The following MAST4 variants were observed in gnomAD, a reference collection of about 807,000 sequenced individuals.
The protein encoded by MAST4 is microtubule associated serine/threonine kinase family member 4, also known as microtubule-associated serine/threonine-protein kinase 4.
Under a neutral mutation model 162.7 loss-of-function variants are expected in MAST4, and 89 were observed. The observed-to-expected ratio is 0.55, with a 90% CI of 0.46 to 0.65. The LOEUF is 0.65. Ranked by LOEUF, MAST4 falls within the 30% of genes least tolerant of loss-of-function variation. The pLI is 0.00. For synonymous variants in MAST4, 1,479 were observed against 1,361.1 expected, an observed-to-expected ratio of 1.09 and a Z score of -1.91; for missense variants, 3,153 against 3,374.0, an observed-to-expected ratio of 0.93 and a Z score of 1.62.
At chr5:66,609,184 C>G (rs1247476638) in intron 1 of MAST4, among the ~76,000 whole-genome samples, 1 of 151,242 alleles carries the variant, frequency 6.6e-6, no homozygotes, top group African/African-American at 2.4e-5. Context: ...TGTCACAAGT[C>G]TATCACTCCT....
At chr5:67,043,921 G>A (rs1398081196) in intron 4 of MAST4, among the ~76,000 whole-genome samples, 1 of 152,074 alleles carries the variant, frequency 6.6e-6, no homozygotes, top group East Asian at 1.9e-4. Context: ...ATAGGTATTT[G>A]ATCTGACCTT....
chr5:66,859,819 G>A (rs530015324), intron 3 of MAST4, among the ~76,000 whole-genome samples: 7 of 152,192 alleles, frequency 4.6e-5, no homozygotes, highest in Non-Finnish European at 1.0e-4. Flanking sequence ...AGAGTGCCGT[G>A]CTGCCTAAGG....
intron 4 of MAST4, among the ~76,000 whole-genome samples, chr5:66,904,984 C>A (rs1441501764): frequency 1.3e-5 from 2 of 152,058 alleles, no homozygotes; most frequent in African/African-American, 4.8e-5. Context: ...TCTTTATGTC[C>A]ACACACATGC....
intron 4 of MAST4, among the ~76,000 whole-genome samples, chr5:66,948,988 G>GAT (rs200272328): frequency 6.6e-4 from 100 of 151,822 alleles, no homozygotes; most frequent in African/African-American, 1.7e-3. Context: ...CATAAAGTCA[G>GAT]ATATATATAT....
intron 3 of MAST4, among the ~76,000 whole-genome samples, chr5:66,827,806 A>G (rs1024097154): frequency 3.3e-5 from 5 of 152,210 alleles, no homozygotes; most frequent in African/African-American, 7.2e-5. Flanking sequence ...GGATCAAACT[A>G]TTCTCTCAAT....
chr5:66,978,503 T>C (rs1211999742), intron 4 of MAST4, among the ~76,000 whole-genome samples: 1 of 152,210 alleles, frequency 6.6e-6, no homozygotes, highest in African/African-American at 2.4e-5. Flanking sequence ...AACAATTTAG[T>C]TAAGTTAGAC....
At chr5:67,069,252 G>T (rs1312044228) in intron 5 of MAST4, among the ~76,000 whole-genome samples, 4 of 136,372 alleles carry the variant, frequency 2.9e-5, no homozygotes, top group Middle Eastern at 4.5e-3. Context: ...TCTTAACTTG[G>T]CTTTAATTTC....
intron 4 of MAST4, among the ~76,000 whole-genome samples, chr5:67,044,570 A>C (rs979202669): frequency 1.3e-5 from 2 of 152,116 alleles, no homozygotes; most frequent in South Asian, 4.1e-4. Flanking sequence ...GCTGGAATGC[A>C]GTGGAGTGAT....
chr5:66,658,813 G>A (rs1561243323), intron 1 of MAST4, among the ~76,000 whole-genome samples: 1 of 152,068 alleles, frequency 6.6e-6, no homozygotes, highest in Non-Finnish European at 1.5e-5. Context: ...CTTTAGCCCA[G>A]GAGTTCCAGA....
intron 4 of MAST4, among the ~76,000 whole-genome samples, chr5:66,953,895 T>C (rs545487536): frequency 5.9e-5 from 9 of 152,284 alleles, no homozygotes; most frequent in Admixed American, 5.9e-4. Flanking sequence ...AGCAACCCCC[T>C]TATTCCCTGC....
chr5:67,165,364 A>C lies in MAST4; in HGVS notation c.6185A>C (p.His2062Pro). 3 of 1,613,652 alleles carry C rather than the reference A, an allele frequency of 1.9e-6. 1 individual carries two copies. The South Asian group carries it at 3.3e-5, about 18-fold the overall frequency. Residue 2062 changes from histidine (H) to proline (P), a missense_variant, in exon 29 of 29, where the codon CAC becomes CCC. His to Pro is a moderately conservative substitution (Grantham distance 77, BLOSUM62 -2). Around this residue, in one of 7 missense-constraint regions of MAST4, gnomAD observed 1,644 missense variants for 1,495.0 expected, o/e 1.10. Transcript: ENST00000403625. ...RPPPRDNSSL[H>P]SAGIPCEKEL... The stretch of plus-strand genomic sequence containing the variant: ...CCGCCCAGAGACAACTCCTCTCTGC[A>C]CTCAGCTGGAATTCCCTGTGAGAAG...
chr5:66,973,156 C>T (rs1747668290), intron 4 of MAST4, among the ~76,000 whole-genome samples: 1 of 152,142 alleles, frequency 6.6e-6, no homozygotes, highest in Admixed American at 6.6e-5. Context: ...CCCCTAAATA[C>T]TTAAGCATGT....
At chr5:67,017,943 G>A (rs1302144488) in intron 4 of MAST4, among the ~76,000 whole-genome samples, 1 of 152,084 alleles carries the variant, frequency 6.6e-6, no homozygotes, top group Non-Finnish European at 1.5e-5. Flanking sequence ...TGAGCAGTTT[G>A]ATAATGCTAA....
intron 1 of MAST4, among the ~76,000 whole-genome samples, chr5:66,701,886 A>G (rs2149511970): frequency 6.6e-6 from 1 of 152,368 alleles, no homozygotes; most frequent in South Asian, 2.1e-4. Flanking sequence ...TCTACCTAAA[A>G]CATGAACTTT....
intron 3 of MAST4, among the ~76,000 whole-genome samples, chr5:66,836,491 C>T (rs541646044): frequency 2.0e-5 from 3 of 152,128 alleles, no homozygotes; most frequent in South Asian, 2.1e-4. Flanking sequence ...AACACATGCA[C>T]GCATGTGTTC....
chr5:66,658,144 G>T (rs75307375), intron 1 of MAST4, among the ~76,000 whole-genome samples: 1 of 152,180 alleles, frequency 6.6e-6, no homozygotes, highest in Non-Finnish European at 1.5e-5. Flanking sequence ...TATATCCAGC[G>T]TATAAAGAGA....
rs1445507036 is a variant in MAST4 at position 67,168,957 on chromosome 5, A to G, written c.*1906A>G. The G allele has an allele frequency of 2.0e-5, 3 of 152,016 alleles. No individual in the cohort carries two copies. Among genetic ancestry groups the G allele is most frequent in the African/African-American group, 2.4e-5 (1 of 41,430 alleles). The allele number at this position is 152,016 out of a possible 1,614,324, so 9.4% of individuals were successfully genotyped here. On this transcript the variant is annotated 3_prime_UTR_variant, in exon 29 of 29. Coordinates refer to ENST00000403625, the MANE Select transcript of MAST4 (RefSeq NM_001164664.2). ...TCCTTGCCCCTAATTTTTTTTTCCC[A>G]TATGGTTTTAGCCATTCCCCATCAC... is the stretch of plus-strand genomic sequence containing the variant.
intron 1 of MAST4, among the ~76,000 whole-genome samples, chr5:66,735,982 T>C (rs1752128848): frequency 6.6e-6 from 1 of 152,210 alleles, no homozygotes; most frequent in South Asian, 2.1e-4. Context: ...GATAGGGTGA[T>C]ATGGAACATT....
At chr5:66,831,973 A>G (rs906032701) in intron 3 of MAST4, among the ~76,000 whole-genome samples, 5 of 152,162 alleles carry the variant, frequency 3.3e-5, no homozygotes, top group African/African-American at 4.8e-5. Context: ...AGGGAAATTA[A>G]TTGTTTCAGT....
Sources: allele counts gnomAD v4.1 joint callset (sites outside exome capture counted in the v4.1 genomes callset), GRCh38; gene constraint gnomAD v4.1.1; regional missense constraint gnomAD v4.1.1; transcripts MANE v1.5; gene names NCBI Gene and HGNC (gene_info 2026-07-23, HGNC 2026-07-21).